Variants in IL17RA observed in about 807,000 individuals in gnomAD.
IL17RA encodes the protein interleukin-17 receptor A.
A neutral mutation model predicts 50.4 loss-of-function variants in IL17RA; 34 were observed. That is an observed-to-expected ratio of 0.67 (90% CI 0.51 to 0.90). The LOEUF is 0.90. Ranked by LOEUF, IL17RA falls within the 40% of genes least tolerant of loss-of-function variation. The pLI, the probability that IL17RA is intolerant of heterozygous loss-of-function variation, is 0.00. For missense variants in IL17RA, 1,276 were observed against 1,169.8 expected, an observed-to-expected ratio of 1.09 and a Z score of -1.32; for synonymous variants, 585 against 510.4, an observed-to-expected ratio of 1.15 and a Z score of -1.97.
intron 1 of IL17RA, among the ~76,000 whole-genome samples, chr22:17,094,718 T>TATATATATATATATATATATATA (rs1228649948): frequency 8.6e-5 from 10 of 116,268 alleles, no homozygotes; most frequent in African/African-American, 2.4e-4. Context: ...TATATATATA[T>TATATATATATATATATATATATA]TCAGGGAGAT....
chr22:17,107,425 G>A (rs988117207), intron 11 of IL17RA, among the ~76,000 whole-genome samples: 2 of 152,232 alleles, frequency 1.3e-5, no homozygotes, highest in East Asian at 1.9e-4. Context: ...TATGTACAAC[G>A]TGCCAGGCAC....
chr22:17,100,141 T>TAAAAAAAAAAAAAA (rs35718705), intron 4 of IL17RA, among the ~76,000 whole-genome samples: 1 of 121,556 alleles, frequency 8.2e-6, no homozygotes, highest in Non-Finnish European at 1.8e-5. Context: ...GATCCAGGTT[T>TAAAAAAAAAAAAAA]AAAAAAAAAA....
In IL17RA at chr22:17,113,873, C is replaced by A. The variant is rs1268449755; in HGVS notation, c.*4053C>A. 1 of 152,244 alleles carries A rather than the reference C, an allele frequency of 6.6e-6. No homozygotes were observed. The highest frequency in any genetic ancestry group is 2.4e-5 in the African/African-American group (1 of 41,456). 9.4% of individuals were successfully genotyped at this position (152,244 alleles called of 1,614,324 possible). ...AAGTGGGTGGGGCAGGAGTTCCCACCTCATGGGGTCCTGGCAAGCCTGCAG... is the reference window on the plus strand; with the variant it reads ...AAGTGGGTGGGGCAGGAGTTCCCACATCATGGGGTCCTGGCAAGCCTGCAG... On this transcript the variant is annotated 3_prime_UTR_variant, in exon 13 of 13. Transcript: ENST00000319363.
At position 17,108,731 on chromosome 22, in the gene IL17RA, C is replaced by T; in HGVS notation, c.1512C>T (p.Phe504=). ...TCGGCACCTACGTAGTCTGCTACTT[C>T]AGCGAGGTCAGCTGTGACGGCGACG... ...ACFGTYVVCY[F]SEVSCDGDVP... is the part of the protein sequence containing the mutation. Residue 504 remains phenylalanine, a synonymous_variant, in exon 13 of 13, where the codon TTC becomes TTT. Transcript: ENST00000319363. 6.2e-7 allele frequency: 1 copy of T among 1,611,676 alleles called. No homozygotes were observed.
chr22:17,104,686 T>C, intron 8 of IL17RA, 40 bp from the exon 9 acceptor site: 2 of 1,588,722 alleles, frequency 1.3e-6, no homozygotes. Context: ...ATGGGCGCTC[T>C]ACAGTTCTGG....
In IL17RA at chr22:17,085,062, G is replaced by T; in HGVS notation, c.-30G>T. On this transcript the variant is annotated 5_prime_UTR_variant, in exon 1 of 13. Transcript: ENST00000319363. ...GTTCGTTCGCTGCGTCCCCAGCCGG[G>T]GCCGAGCCCTCCGCGACGCCAGCCG... The T allele has an allele frequency of 7.7e-7, 1 of 1,294,610 alleles. No homozygotes were observed. The highest frequency in any genetic ancestry group is 3.1e-5 in the East Asian group (1 of 31,844). 80.2% of individuals were successfully genotyped at this position (1,294,610 alleles called of 1,614,324 possible).
rs779860885 is a variant in IL17RA at position 17,109,558 on chromosome 22, C to T, written c.2339C>T (p.Thr780Met). ...GCCATGGTCCTCACAGACCCACACA[C>T]GCCCTACGAGGAGGAGCAGCGGCAG... is the stretch of plus-strand genomic sequence containing the variant. ...RPAMVLTDPH[T>M]PYEEEQRQSV... The change falls in exon 13 of 13, where the codon ACG (threonine) becomes ATG (methionine). Residue 780 changes from threonine (T) to methionine (M), a missense_variant. Coordinates refer to ENST00000319363, the MANE Select transcript of IL17RA (RefSeq NM_014339.7). 6.8e-5 allele frequency: 109 copies of T among 1,599,314 alleles called. No homozygotes were observed. The East Asian group carries it at 9.9e-4, about 15-fold the overall frequency.
At chr22:17,087,248 G>T (rs1370135164) in intron 1 of IL17RA, among the ~76,000 whole-genome samples, 1 of 152,248 alleles carries the variant, frequency 6.6e-6, no homozygotes, top group Non-Finnish European at 1.5e-5. Flanking sequence ...GAGGTGGCCA[G>T]AGGACCTGGA....
chr22:17,105,976 G>A (rs778807145), intron 11 of IL17RA, 22 bp downstream of exon 11: 46 of 1,591,358 alleles, frequency 2.9e-5, no homozygotes, highest in South Asian at 2.2e-5. Context: ...GGCTCTGGCT[G>A]TCCTGGAGTC....
In IL17RA at chr22:17,107,712, T is replaced by C; in HGVS notation, c.1046-15T>C. The C allele has an allele frequency of 6.2e-7, 1 of 1,610,722 alleles. No individual in the cohort carries two copies. The highest frequency in any genetic ancestry group is 8.5e-7 in the Non-Finnish European group (1 of 1,176,814). On this transcript the variant is annotated splice_polypyrimidine_tract_variant and intron_variant, in intron 11 of 12. Coordinates refer to ENST00000319363, the MANE Select transcript of IL17RA (RefSeq NM_014339.7). Reference sequence around the variant, plus strand: ...TCCCAAAGAACCACTCCAGTGTATTTCTTTTCCTTTCCAGGGCCTGGAAGT... The same window carrying C: ...TCCCAAAGAACCACTCCAGTGTATTCCTTTTCCTTTCCAGGGCCTGGAAGT...
Position 17,111,802 on chromosome 22 carries a change from T to C in IL17RA, c.*1982T>C, listed in dbSNP as rs1303400327. 2.0e-5 allele frequency: 3 copies of C among 151,548 alleles called. No homozygotes were observed. The highest frequency in any genetic ancestry group is 7.3e-5 in the African/African-American group (3 of 41,172). 9.4% of individuals were successfully genotyped at this position (151,548 alleles called of 1,614,324 possible). ...CATAAATTTGTTGATCTGGTAAGAG[T>C]TTCTAGCAGGAAGGTCGAGCCACTT... On this transcript the variant is annotated 3_prime_UTR_variant, in exon 13 of 13. Transcript: ENST00000319363.
chr22:17,109,621 C>T lies in IL17RA; in HGVS notation c.2402C>T (p.Ser801Phe). The change falls in exon 13 of 13, where the codon TCC (serine) becomes TTC (phenylalanine). Residue 801 changes from serine (S) to phenylalanine (F), a missense_variant. Ser to Phe is a radical substitution (Grantham distance 155). Transcript: ENST00000319363. ...GACCAGGGCTACATCTCCAGGAGCT[C>T]CCCGCAGCCCCCCGAGGGACTCACG... ...QSDQGYISRS[S>F]PQPPEGLTEM... 6.2e-7 allele frequency: 1 copy of T among 1,607,550 alleles called. No homozygotes were observed. The highest frequency in any genetic ancestry group is 1.1e-5 in the South Asian group (1 of 90,106).
chr22:17,106,772 G>A (rs1267153811), intron 11 of IL17RA, among the ~76,000 whole-genome samples: 2 of 152,206 alleles, frequency 1.3e-5, no homozygotes, highest in Non-Finnish European at 1.5e-5. Flanking sequence ...AGGCATGGGA[G>A]GACCTATGGG....
Position 17,113,006 on chromosome 22 carries a change from T to G in IL17RA, c.*3186T>G, listed in dbSNP as rs1433880732. 1 of 151,812 alleles carries G rather than the reference T, an allele frequency of 6.6e-6. No homozygotes were observed. The highest frequency in any genetic ancestry group is 2.4e-5 in the African/African-American group (1 of 41,384). The allele number at this position is 151,812 out of a possible 1,614,324, so 9.4% of individuals were successfully genotyped here. On this transcript the variant is annotated 3_prime_UTR_variant, in exon 13 of 13. Transcript: ENST00000319363. ...TGATCCTAGTTTTTTTTTTGTTTTT[T>G]TTTTTTTTAAGGAATAATTACTTTG...
chr22:17,097,973 G>A lies in IL17RA; in HGVS notation c.310+30G>A, dbSNP rs762973264. ...GTGGGCATGCCAGCAGGGCCCTGGG[G>A]GATTCTCCCTGCCTCCAAGTGGCTC... On this transcript the variant is annotated intron_variant, in intron 3 of 12. Transcript: ENST00000319363. 3.1e-6 allele frequency: 5 copies of A among 1,612,996 alleles called. No homozygotes were observed. The South Asian group carries it at 5.5e-5, about 18-fold the overall frequency.
In IL17RA at chr22:17,102,169, A is replaced by G; in HGVS notation, c.629A>G (p.Glu210Gly). Residue 210 changes from glutamate (E) to glycine (G), a missense_variant, in exon 7 of 13, where the codon GAG becomes GGG. Glu to Gly is a moderately conservative substitution (Grantham distance 98). Transcript: ENST00000319363. ...GSLWDPNITVETLEAHQLRVS... is the reference protein window; with the variant it reads ...GSLWDPNITVGTLEAHQLRVS... ...CTGTGGGACCCCAACATCACCGTGG[A>G]GACCCTGGAGGCCCACCAGCTGCGT... The G allele has an allele frequency of 6.2e-7, 1 of 1,614,152 alleles. No homozygotes were observed. Among genetic ancestry groups the G allele is most frequent in the Non-Finnish European group, 8.5e-7 (1 of 1,180,020 alleles).
chr22:17,085,083 A>G lies in IL17RA; in HGVS notation c.-9A>G. On this transcript the variant is annotated 5_prime_UTR_variant, in exon 1 of 13. Coordinates refer to ENST00000319363, the MANE Select transcript of IL17RA (RefSeq NM_014339.7). ...CCGGGGCCGAGCCCTCCGCGACGCC[A>G]GCCGGGCCATGGGGGCCGCACGCAG... is the stretch of plus-strand genomic sequence containing the variant. 7.6e-7 allele frequency: 1 copy of G among 1,313,408 alleles called. No homozygotes were observed. The highest frequency in any genetic ancestry group is 3.1e-5 in the East Asian group (1 of 32,020). The allele number at this position is 1,313,408 out of a possible 1,614,324, so 81.4% of individuals were successfully genotyped here.
At chr22:17,097,328 C>G in intron 2 of IL17RA, 1 of 582,676 alleles carries the variant, frequency 1.7e-6, no homozygotes. Flanking sequence ...AAAGTATTCT[C>G]TGGGGAGCTG....
rs1276450504 is a variant in IL17RA, at chr22:17,094,652, ACACACTCTCTCTCTCT to A, written c.139-2408_139-2393del. On this transcript the variant is annotated intron_variant, in intron 1 of 12. Coordinates refer to ENST00000319363, the MANE Select transcript of IL17RA (RefSeq NM_014339.7). ...TGTTTCTATTCTCATTTAGTCATAC[ACACACTCTCTCTCTCT>A]CTCTCTCTCTCTCTCTCTCTCTCTA... 1.6e-3 allele frequency among the ~76,000 whole-genome samples: 29 copies of A among 17,722 alleles called. 1 individual carries two copies. In the East Asian group the frequency reaches 0.021, roughly 13 times the overall value. 11.6% of individuals were successfully genotyped at this position (17,722 alleles called of 152,430 possible). A position where few individuals can be genotyped will look rare whatever the true frequency, so the allele number is the denominator to read the frequency against.
Sources: gnomAD v4.1 joint callset for allele counts (sites outside exome capture counted in the v4.1 genomes callset) on GRCh38, gnomAD v4.1.1 for gene constraint, MANE v1.5 for transcripts, NCBI Gene and HGNC (gene_info 2026-07-23, HGNC 2026-07-21) for gene names.